CNOT10: variants seen among roughly 807,000 people sequenced by gnomAD.
The protein encoded by CNOT10 is CCR4-NOT transcription complex, subunit 10.
Under a neutral mutation model 94.6 loss-of-function variants are expected in CNOT10, and 30 were observed. The observed-to-expected ratio is 0.32, with a 90% CI of 0.24 to 0.43. CNOT10 has a LOEUF of 0.43. Among genes scored for constraint, CNOT10 ranks in the 20% least tolerant of loss-of-function variants. The probability of loss-of-function intolerance (pLI) is 1.00; values close to 1 mark genes in which losing one functional copy is unlikely to be tolerated. For synonymous variants in CNOT10, 289 were observed against 301.6 expected (o/e 0.96, Z 0.43); for missense variants, 759 against 877.2 (o/e 0.87, Z 1.70).
intron 13 of CNOT10, among the ~76,000 whole-genome samples, chr3:32,743,795 T>C (rs1042824609): frequency 6.6e-6 from 1 of 152,164 alleles, no homozygotes; most frequent in Non-Finnish European, 1.5e-5. Flanking sequence ...GTACAGCTGT[T>C]TGCTTTCCAT....
chr3:32,755,730 A>G (rs1266588070), intron 13 of CNOT10, among the ~76,000 whole-genome samples: 1 of 151,642 alleles, frequency 6.6e-6, no homozygotes, highest in African/African-American at 2.4e-5. Context: ...TGCTTGAAGA[A>G]AATGTTTACT....
Position 32,773,526 on chromosome 3 carries a change from A to T in CNOT10, c.2150A>T (p.Glu717Val), listed in dbSNP as rs769738854. 5.0e-6 allele frequency: 8 copies of T among 1,614,038 alleles called. No individual in the cohort carries two copies. The African/African-American group carries it at 9.3e-5, about 19-fold the overall frequency. ...CTCCCTGCAGTGAAAACACACTCTG[A>T]AGTGAGAAAGAAGCCAGTGTTTCAG... is the stretch of plus-strand genomic sequence containing the variant. ...QLLPAVKTHSEVRKKPVFQPV... is the reference protein window; with the variant it reads ...QLLPAVKTHSVVRKKPVFQPV... Residue 717 changes from glutamate (E) to valine (V), a missense_variant, in exon 19 of 19, where the codon GAA becomes GTA. This residue lies in a region of CNOT10 where 73 missense variants were observed against 61.0 expected (regional missense o/e 1.20). Coordinates refer to ENST00000328834, the MANE Select transcript of CNOT10 (RefSeq NM_015442.3).
At chr3:32,726,428 C>T (rs1240803393) in intron 9 of CNOT10, among the ~76,000 whole-genome samples, 3 of 152,158 alleles carry the variant, frequency 2.0e-5, no homozygotes, top group Admixed American at 1.3e-4. Context: ...GGGGCGGTGG[C>T]TCACGCCTGT....
At chr3:32,736,336 C>G (rs1393129714) in intron 12 of CNOT10, among the ~76,000 whole-genome samples, 1 of 152,146 alleles carries the variant, frequency 6.6e-6, no homozygotes, top group Non-Finnish European at 1.5e-5. Flanking sequence ...ATCCTCCCTC[C>G]TCGGCCTCCC....
intron 1 of CNOT10, among the ~76,000 whole-genome samples, chr3:32,702,928 T>C (rs1697425285): frequency 6.6e-6 from 1 of 151,546 alleles, no homozygotes; most frequent in African/African-American, 2.4e-5. Context: ...TTTTTTTTTT[T>C]TGAGACGGAG....
intron 13 of CNOT10, among the ~76,000 whole-genome samples, chr3:32,739,058 G>A (rs558943191): frequency 2.0e-5 from 3 of 151,798 alleles, no homozygotes; most frequent in Admixed American, 2.0e-4. Flanking sequence ...GTGCCTGCTA[G>A]CACGCCTGGC....
At position 32,719,964 on chromosome 3, in the gene CNOT10, CA is replaced by C. The variant is rs1182490163; in HGVS notation, c.745-148del. ...GTTTCAATTTTTTTGATTGTGAGAG[CA>C]ATGAAAAATTTAGAGACTATATAAT... On this transcript the variant is annotated intron_variant, in intron 7 of 18. Transcript: ENST00000328834. 7.5e-5 allele frequency: 32 copies of C among 425,352 alleles called. No homozygotes were observed. The East Asian group carries it at 1.0e-3, about 14-fold the overall frequency. 26.3% of individuals were successfully genotyped at this position (425,352 alleles called of 1,614,324 possible).
chr3:32,749,074 G>A (rs1362772752), intron 13 of CNOT10, among the ~76,000 whole-genome samples: 4 of 151,416 alleles, frequency 2.6e-5, no homozygotes, highest in South Asian at 2.1e-4. Context: ...CACCTGCCTC[G>A]GCCTCCCAAA....
chr3:32,770,965 G>A (rs993408208), intron 18 of CNOT10, among the ~76,000 whole-genome samples: 2 of 151,978 alleles, frequency 1.3e-5, no homozygotes, highest in South Asian at 2.1e-4. Context: ...TGCCTGCCTC[G>A]GCCTCTTAAA....
At chr3:32,686,843 C>G (rs575479410) in intron 1 of CNOT10, among the ~76,000 whole-genome samples, 1 of 152,220 alleles carries the variant, frequency 6.6e-6, no homozygotes, top group African/African-American at 2.4e-5. Context: ...TTCAAATCCT[C>G]AGTCATAAAG....
rs777391696 is a variant in CNOT10 at position 32,755,319 on chromosome 3, CT to C, written c.1596-4123del. 3.6e-3 allele frequency among the ~76,000 whole-genome samples: 478 copies of C among 131,136 alleles called. 1 individual carries two copies. Among genetic ancestry groups the C allele is most frequent in the African/African-American group, 6.7e-3 (238 of 35,586 alleles). The allele number at this position is 131,136 out of a possible 152,430, so 86.0% of individuals were successfully genotyped here. A position where few individuals can be genotyped will look rare whatever the true frequency, so the allele number is the denominator to read the frequency against. ...TATTTTCTTTTTTCTTTTTCTTTTT[CT>C]TTTTTTTTTTTTTTTGAGACAGAGT... On this transcript the variant is annotated intron_variant, in intron 13 of 18. Coordinates refer to ENST00000328834, the MANE Select transcript of CNOT10 (RefSeq NM_015442.3).
At chr3:32,739,404 A>G (rs77844318) in intron 13 of CNOT10, among the ~76,000 whole-genome samples, 3,350 of 151,936 alleles carry the variant, frequency 0.022, 50 homozygotes, top group East Asian at 0.048. Flanking sequence ...TTAACTTCTT[A>G]TGCTGGTCAC....
Position 32,720,198 on chromosome 3 carries a change from A to G in CNOT10, c.829A>G (p.Asn277Asp). 6.5e-7 allele frequency: 1 copy of G among 1,532,252 alleles called. No individual in the cohort carries two copies. Among genetic ancestry groups the G allele is most frequent in the Non-Finnish European group, 8.9e-7 (1 of 1,122,916 alleles). The allele number at this position is 1,532,252 out of a possible 1,614,324, so 94.9% of individuals were successfully genotyped here. A position where few individuals can be genotyped will look rare whatever the true frequency, so the allele number is the denominator to read the frequency against. ...AGCCGTGAAGCTATTAAATAGTTCA[A>G]ACATTGCTGAGCATCCAGGATTCAT... ...RKAVKLLNSS[N>D]IAEHPGFMKT... The change falls in exon 8 of 19, where the codon AAC becomes GAC. Residue 277 changes from asparagine (N) to aspartate (D), a missense_variant. Around this residue, in one of 3 missense-constraint regions of CNOT10, gnomAD observed 682 missense variants for 799.4 expected, o/e 0.85. Coordinates refer to ENST00000328834, the MANE Select transcript of CNOT10 (RefSeq NM_015442.3).
At chr3:32,685,953 G>A (rs376183291) in intron 1 of CNOT10, among the ~76,000 whole-genome samples, 18 of 150,852 alleles carry the variant, frequency 1.2e-4, no homozygotes, top group African/African-American at 4.1e-4. Flanking sequence ...TTTTTTTCTT[G>A]ATAGAGACGG....
At chr3:32,769,132 G>A (rs1168099635) in intron 17 of CNOT10, 1 of 152,234 alleles carries the variant, frequency 6.6e-6, no homozygotes, top group Non-Finnish European at 1.5e-5. Context: ...ATTTGTAGAA[G>A]TCTATTATCT....
chr3:32,720,794 T>C (rs561875342), intron 8 of CNOT10, among the ~76,000 whole-genome samples: 71 of 151,842 alleles, frequency 4.7e-4, no homozygotes, highest in African/African-American at 1.6e-3. Context: ...CCAGATAGCT[T>C]GTCTTTTTTC....
intron 1 of CNOT10, among the ~76,000 whole-genome samples, chr3:32,696,730 C>T (rs1368332949): frequency 2.0e-5 from 3 of 151,948 alleles, no homozygotes; most frequent in African/African-American, 7.3e-5. Flanking sequence ...TCCCAAGTAG[C>T]AGGACTACGG....
At chr3:32,743,207 G>A (rs922733008) in intron 13 of CNOT10, among the ~76,000 whole-genome samples, 1 of 151,802 alleles carries the variant, frequency 6.6e-6, no homozygotes, top group African/African-American at 2.4e-5. Context: ...GGCTAGTCTC[G>A]AACTCCTGAC....
intron 13 of CNOT10, among the ~76,000 whole-genome samples, chr3:32,755,748 T>C (rs1237808009): frequency 7.0e-6 from 1 of 143,780 alleles, no homozygotes; most frequent in Non-Finnish European, 1.5e-5. Flanking sequence ...ACTCCTTTCT[T>C]TTCCTTTCCT....
Sources: gnomAD v4.1 joint callset for allele counts (sites outside exome capture counted in the v4.1 genomes callset) on GRCh38, gnomAD v4.1.1 for gene constraint, gnomAD v4.1.1 regional missense constraint, MANE v1.5 for transcripts, NCBI Gene and HGNC (gene_info 2026-07-23, HGNC 2026-07-21) for gene names.